The following PHEX variants were observed in gnomAD, a reference collection of about 807,000 sequenced individuals.
PHEX encodes phosphate-regulating neutral endopeptidase PHEX.
Under a neutral mutation model 68.0 loss-of-function variants are expected in PHEX, and 16 were observed. That is an observed-to-expected ratio of 0.24 (90% confidence interval 0.16 to 0.36). The LOEUF (loss-of-function observed/expected upper bound fraction) is 0.36. Among genes scored for constraint, PHEX ranks in the 10% least tolerant of loss-of-function variants. The pLI, the probability that PHEX is intolerant of heterozygous loss-of-function variation, is 1.00. For synonymous variants in PHEX, 208 were observed against 205.1 expected (o/e 1.01, Z -0.12); for missense variants, 480 against 575.5 (o/e 0.83, Z 1.70).
chrX:22,133,464 G>C (rs1207802939), intron 11 of PHEX, 59 bp from the exon 12 acceptor site: 8 of 970,051 alleles, frequency 8.2e-6, no homozygotes, highest in Non-Finnish European at 1.2e-5. Context: ...TTTTGTTCCA[G>C]AAAACCTCGA....
rs181341685 is a variant in PHEX, at chrX:22,071,796, T to C, written c.350-4592T>C. Among the ~76,000 whole-genome samples the C allele has an allele frequency of 3.9e-3, 445 of 112,858 alleles. 1 individual carries two copies. The highest frequency in any genetic ancestry group is 6.1e-3 in the Non-Finnish European group (325 of 53,366). Reference sequence around the variant, plus strand: ...TCTAAATGTGAAACAATAAAGATTTTAGAAGAAAATGTAAACTGTCACCGG... The same window carrying C: ...TCTAAATGTGAAACAATAAAGATTTCAGAAGAAAATGTAAACTGTCACCGG... On this transcript the variant is annotated intron_variant, in intron 3 of 21. Transcript: ENST00000379374.
At chrX:22,176,096 A>G (rs1790155216) in intron 13 of PHEX, among the ~76,000 whole-genome samples, 1 of 111,385 alleles carries the variant, frequency 9.0e-6, no homozygotes, top group African/African-American at 3.3e-5. Context: ...ATAATCAATT[A>G]TAAGATTTTG....
chrX:22,077,354 T>C (rs896008849), intron 4 of PHEX, 122 bp from the exon 5 acceptor site: 1 of 624,993 alleles, frequency 1.6e-6, no homozygotes, highest in African/African-American at 2.2e-5. Context: ...ACCTACTCCC[T>C]AACAGCTGAA....
At chrX:22,212,776 G>A in intron 15 of PHEX, 128 bp from the exon 16 acceptor site, 2 of 563,133 alleles carry the variant, frequency 3.6e-6, no homozygotes, top group East Asian at 3.3e-5. Context: ...AGATCTCTTA[G>A]AGGGCTCCCA....
chrX:22,176,475 A>G (rs997164991), intron 13 of PHEX, among the ~76,000 whole-genome samples: 1 of 107,785 alleles, frequency 9.3e-6, no homozygotes, highest in African/African-American at 3.3e-5. Context: ...AAATGTTGGA[A>G]CATGAGTAAA....
chrX:22,140,764 G>A (rs1370747352), intron 12 of PHEX, among the ~76,000 whole-genome samples: 1 of 112,103 alleles, frequency 8.9e-6, no homozygotes, highest in East Asian at 2.8e-4. Context: ...TTACAGGCAT[G>A]AGCCACCGTG....
At chrX:22,121,768 A>G (rs1233180067) in intron 11 of PHEX, among the ~76,000 whole-genome samples, 1 of 112,001 alleles carries the variant, frequency 8.9e-6, no homozygotes, top group African/African-American at 3.2e-5. Context: ...CTTTAAAGAC[A>G]TTGTTCATGT....
intron 6 of PHEX, among the ~76,000 whole-genome samples, chrX:22,092,399 G>A (rs1929929251): frequency 9.0e-6 from 1 of 111,549 alleles, no homozygotes; most frequent in African/African-American, 3.3e-5. Context: ...TTTAGATAGA[G>A]TCTCACTGTG....
intron 13 of PHEX, among the ~76,000 whole-genome samples, chrX:22,170,537 T>C (rs1443064846): frequency 8.9e-6 from 1 of 111,850 alleles, no homozygotes; most frequent in Non-Finnish European, 1.9e-5. Context: ...TTGAAGTGTT[T>C]AGAATGAACC....
chrX:22,164,180 T>G (rs781524138), intron 12 of PHEX, among the ~76,000 whole-genome samples: 1 of 112,003 alleles, frequency 8.9e-6, no homozygotes, highest in African/African-American at 3.2e-5. Flanking sequence ...CCATGGGATA[T>G]TGCAAGATGT....
intron 3 of PHEX, among the ~76,000 whole-genome samples, chrX:22,056,936 G>T (rs1928140649): frequency 9.1e-6 from 1 of 110,043 alleles, no homozygotes. Flanking sequence ...TTGGGTACCT[G>T]AAAATATGGC....
chrX:22,060,047 C>G (rs1441915334), intron 3 of PHEX, among the ~76,000 whole-genome samples: 1 of 107,508 alleles, frequency 9.3e-6, no homozygotes, highest in African/African-American at 3.4e-5. Flanking sequence ...CCCAGCTACT[C>G]AGGAAGTTGG....
In PHEX at chrX:22,097,345, C is replaced by T. The variant is rs193121104; in HGVS notation, c.933+307C>T. ...AACAGTGTTGTCAAAGGCCCAAGTTCTTTCTATCTTTCCATCCTACTGTGT... is the reference window on the plus strand; with the variant it reads ...AACAGTGTTGTCAAAGGCCCAAGTTTTTTCTATCTTTCCATCCTACTGTGT... On this transcript the variant is annotated intron_variant, in intron 8 of 21. Transcript: ENST00000379374. Among the ~76,000 whole-genome samples the T allele has an allele frequency of 3.0e-3, 342 of 112,294 alleles. 1 individual carries two copies. The highest frequency in any genetic ancestry group is 1.0e-2 in the African/African-American group (309 of 30,955).
At chrX:22,186,219 T>C (rs765217517) in intron 14 of PHEX, among the ~76,000 whole-genome samples, 9 of 111,700 alleles carry the variant, frequency 8.1e-5, no homozygotes, top group African/African-American at 2.9e-4. Context: ...TGTTGATTGA[T>C]ATAGAAAGTT....
chrX:22,045,609 G>A (rs1165434630), intron 2 of PHEX, among the ~76,000 whole-genome samples: 1 of 112,367 alleles, frequency 8.9e-6, no homozygotes, highest in Non-Finnish European at 1.9e-5. Context: ...TTATGAAAGA[G>A]GAAAAAAATG....
chrX:22,096,403 C>T (rs987161683), intron 7 of PHEX, among the ~76,000 whole-genome samples: 2 of 111,793 alleles, frequency 1.8e-5, no homozygotes, highest in African/African-American at 3.3e-5. Context: ...TGTGTCCAGG[C>T]GGTGACTAAA....
intron 3 of PHEX, among the ~76,000 whole-genome samples, chrX:22,058,898 C>T (rs1248193202): frequency 1.8e-5 from 2 of 111,740 alleles, no homozygotes; most frequent in African/African-American, 3.3e-5. Flanking sequence ...TCTGCCTCCC[C>T]GATTCAAATG....
intron 16 of PHEX, among the ~76,000 whole-genome samples, chrX:22,216,492 CTTAT>C (rs56899587): frequency 0.36 from 31,121 of 87,571 alleles, 4,446 homozygotes; most frequent in Middle Eastern, 0.4. Context: ...TTTTTTTATG[CTTAT>C]TTATTTATTT....
chrX:22,229,239 T>C (rs762057521), intron 20 of PHEX, among the ~76,000 whole-genome samples: 3 of 112,174 alleles, frequency 2.7e-5, no homozygotes, highest in South Asian at 3.7e-4. Flanking sequence ...TGGTTTATAA[T>C]CCTTTGGGTA....
Sources: allele counts gnomAD v4.1 joint callset (sites outside exome capture counted in the v4.1 genomes callset), GRCh38; gene constraint gnomAD v4.1.1; transcripts MANE v1.5; gene names NCBI Gene and HGNC (gene_info 2026-07-23, HGNC 2026-07-21).